Variants in SURF4 observed in about 807,000 individuals in gnomAD.
The protein encoded by SURF4 is surfeit 4.
A neutral mutation model predicts 30.0 loss-of-function variants in SURF4; 3 were observed. That is an observed-to-expected ratio of 0.10 (90% CI 0.05 to 0.26). The LOEUF (loss-of-function observed/expected upper bound fraction) is 0.26. Ranked by LOEUF, SURF4 falls within the 10% of genes least tolerant of loss-of-function variation. The pLI, the probability that SURF4 is intolerant of heterozygous loss-of-function variation, is 1.00. For synonymous variants in SURF4, 143 were observed against 139.9 expected (o/e 1.02, Z -0.16); for missense variants, 217 against 350.8 (o/e 0.62, Z 3.05).
intron 4 of SURF4, 59 bp downstream of exon 4, chr9:133,365,926 A>C: frequency 1.3e-6 from 2 of 1,548,244 alleles, no homozygotes; most frequent in Non-Finnish European, 1.8e-6. Context: ...CAGACTTTGG[A>C]TTTGCAATGC....
At position 133,363,983 on chromosome 9, in the gene SURF4, T is replaced by G; in HGVS notation, c.544-224A>C. ...GTGGAAGGTTTGGGGAAGACTGAAGTTCCCAACTAGTAACAGGCTGTGATT... is the reference window on the plus strand; with the variant it reads ...GTGGAAGGTTTGGGGAAGACTGAAGGTCCCAACTAGTAACAGGCTGTGATT... On this transcript the variant is annotated intron_variant, in intron 5 of 5. Transcript: ENST00000371989. This position sits in a 1 kb window ranked among gnomAD's most constrained non-coding sequence, Gnocchi z 4.3. 1 of 713,620 alleles carries G rather than the reference T, an allele frequency of 1.4e-6. No individual in the cohort carries two copies. 44.2% of individuals were successfully genotyped at this position (713,620 alleles called of 1,614,324 possible). A position where few individuals can be genotyped will look rare whatever the true frequency, so the allele number is the denominator to read the frequency against.
intron 1 of SURF4, chr9:133,370,948 G>C (rs1837472314): frequency 7.8e-7 from 1 of 1,289,556 alleles, no homozygotes; most frequent in African/African-American, 1.5e-5. Flanking sequence ...CATAAGCAGT[G>C]ACAGCATCTG....
chr9:133,364,040 T>C, intron 5 of SURF4: 1 of 673,536 alleles, frequency 1.5e-6, no homozygotes, highest in Non-Finnish European at 2.7e-6. Flanking sequence ...CATAACTAAA[T>C]TCCCAAGTGC....
At chr9:133,376,522 G>A (rs2130248822), upstream of SURF4, 4 of 1,601,770 alleles carry the variant, frequency 2.5e-6, no homozygotes, top group East Asian at 2.3e-5. Flanking sequence ...GGGGGAGCGA[G>A]GCCCAGGGTC....
chr9:133,376,210 G>A (rs1276011492), upstream of SURF4: 3 of 1,277,162 alleles, frequency 2.3e-6, no homozygotes, highest in African/African-American at 4.7e-5. Flanking sequence ...CCATCCGCTC[G>A]AAGCCACGCC....
At chr9:133,366,506 G>A in intron 3 of SURF4, 93 bp downstream of exon 3, 2 of 1,374,330 alleles carry the variant, frequency 1.5e-6, no homozygotes, top group East Asian at 4.6e-5. Context: ...GGGGCTGAAG[G>A]GGGAGTGACA....
chr9:133,377,669 G>C (rs1346351673), upstream of SURF4, among the ~76,000 whole-genome samples: 1 of 146,112 alleles, frequency 6.8e-6, no homozygotes, highest in African/African-American at 2.5e-5. Flanking sequence ...GTCTCAGAAA[G>C]AAAAAAAAAA....
chr9:133,373,831 T>C (rs1374018536), intron 1 of SURF4, among the ~76,000 whole-genome samples: 1 of 144,026 alleles, frequency 6.9e-6, no homozygotes, highest in Non-Finnish European at 1.5e-5. Flanking sequence ...GGCAGGAGAA[T>C]TGCTTGAATC....
upstream of SURF4, chr9:133,376,708 G>C (rs2130250703): frequency 5.3e-5 from 34 of 646,806 alleles, no homozygotes; most frequent in African/African-American, 6.4e-4. Context: ...AACCCGGGGG[G>C]CCTCCAACGG....
intron 1 of SURF4, among the ~76,000 whole-genome samples, chr9:133,370,600 C>T (rs1350725294): frequency 6.6e-6 from 1 of 152,236 alleles, no homozygotes; most frequent in African/African-American, 2.4e-5. Flanking sequence ...TGTCATGCCA[C>T]TCTAGAACAC....
Position 133,363,373 on chromosome 9 carries a change from C to T in SURF4, c.*120G>A. The T allele has an allele frequency of 6.7e-7, 1 of 1,496,570 alleles. No individual in the cohort carries two copies. The highest frequency in any genetic ancestry group is 9.2e-7 in the Non-Finnish European group (1 of 1,085,200). The allele number at this position is 1,496,570 out of a possible 1,614,324, so 92.7% of individuals were successfully genotyped here. ...AAATAAAGTTCTCAAAACATCTGTG[C>T]CTTTACCAAGGGAGGGGAAGGGAAG... On this transcript the variant is annotated 3_prime_UTR_variant, in exon 6 of 6. Transcript: ENST00000371989. The surrounding 1 kb of genome is among the most constrained non-coding windows in gnomAD (Gnocchi z 4.3).
At chr9:133,372,307 G>A (rs2130196109) in intron 1 of SURF4, among the ~76,000 whole-genome samples, 4 of 152,330 alleles carry the variant, frequency 2.6e-5, no homozygotes, top group South Asian at 2.1e-4. Context: ...GCTCGTCCCC[G>A]TGGACCAGCC....
chr9:133,367,646 T>C, intron 1 of SURF4: 1 of 1,393,516 alleles, frequency 7.2e-7, no homozygotes, highest in Non-Finnish European at 9.5e-7. Flanking sequence ...TCTGGACACA[T>C]GCAACAATCC....
chr9:133,370,115 C>T lies in SURF4; in HGVS notation c.49-2670G>A, dbSNP rs2130176704. ...CTGCGGTCTAAGCCTCCCCCAGTTG[C>T]AGGACCTGCATTTAACATGCTCATC... On this transcript the variant is annotated intron_variant, in intron 1 of 5. Transcript: ENST00000371989. 5.3e-5 allele frequency among the ~76,000 whole-genome samples: 8 copies of T among 152,218 alleles called. No individual in the cohort carries two copies. In the East Asian group the frequency reaches 1.3e-3, roughly 26 times the overall value.
intron 2 of SURF4, 22 bp from the exon 3 acceptor site, chr9:133,366,697 A>AG: frequency 6.2e-7 from 1 of 1,610,926 alleles, no homozygotes; most frequent in Non-Finnish European, 8.5e-7. Flanking sequence ...GACAAGGGTT[A>AG]GGGGGCCTGA....
chr9:133,375,419 G>A, intron 1 of SURF4: 2 of 985,846 alleles, frequency 2.0e-6, no homozygotes, highest in Non-Finnish European at 1.2e-6. Flanking sequence ...AGGTGCTGTG[G>A]CTTCCTGTAG....
At chr9:133,374,044 G>A (rs1220510993) in intron 1 of SURF4, among the ~76,000 whole-genome samples, 2 of 151,772 alleles carry the variant, frequency 1.3e-5, no homozygotes, top group East Asian at 3.9e-4. Context: ...ATCTAGATTT[G>A]GTTATGAAAT....
chr9:133,375,294 T>G, intron 1 of SURF4: 1 of 985,542 alleles, frequency 1.0e-6, no homozygotes. Context: ...CCTCCCAGGC[T>G]GTGTACAGGT....
Position 133,361,568 on chromosome 9 carries a change from T to TCCCA in SURF4, c.*1921_*1924dup, listed in dbSNP as rs1836805237. 1 of 155,204 alleles carries TCCCA rather than the reference T, an allele frequency of 6.4e-6. No individual in the cohort carries two copies. Among genetic ancestry groups the TCCCA allele is most frequent in the East Asian group, 1.9e-4 (1 of 5,288 alleles). 9.6% of individuals were successfully genotyped at this position (155,204 alleles called of 1,614,324 possible). On this transcript the variant is annotated 3_prime_UTR_variant, in exon 6 of 6. Coordinates refer to ENST00000371989, the MANE Select transcript of SURF4 (RefSeq NM_033161.4). ...GCATAAAATGAGATTTAGATCTGTT[T>TCCCA]CCCACATAAAGCAAAAAAATCTTAG...
Sources: allele counts gnomAD v4.1 joint callset (sites outside exome capture counted in the v4.1 genomes callset), GRCh38; gene constraint gnomAD v4.1.1; non-coding constraint Gnocchi (gnomAD v3.1); transcripts MANE v1.5; gene names NCBI Gene and HGNC (gene_info 2026-07-23, HGNC 2026-07-21).